The following RASEF variants were observed in gnomAD, a reference collection of about 807,000 sequenced individuals.
RASEF encodes the protein RAS and EF-hand domain containing, also known as ras and EF-hand domain-containing protein.
Under a neutral mutation model 90.1 loss-of-function variants are expected in RASEF, and 68 were observed. The ratio of observed to expected loss-of-function variants is 0.75; its 90% confidence interval spans 0.62 to 0.92. The LOEUF (loss-of-function observed/expected upper bound fraction) is 0.92. Ranked by LOEUF, RASEF falls within the 40% of genes least tolerant of loss-of-function variation. RASEF has a pLI of 0.00. For synonymous variants in RASEF, 331 were observed against 345.2 expected (o/e 0.96, Z 0.46); for missense variants, 949 against 937.2 (o/e 1.01, Z -0.16).
the RASEF span, among the ~76,000 whole-genome samples, chr9:83,077,755 T>C: frequency 1.3e-5 from 2 of 152,172 alleles, no homozygotes; most frequent in Non-Finnish European, 2.9e-5. Context: ...GAATTACTCA[T>C]GGGAGGGAAC....
rs200398605 is a variant in RASEF at position 83,004,564 on chromosome 9, C to A, written c.1136G>T (p.Gly379Val). Residue 379 changes from glycine (G) to valine (V), a missense_variant, in exon 9 of 17, where the codon GGG (glycine) becomes GTG (valine). Physicochemically the swap from Gly to Val is moderately radical, Grantham distance 109. Around this residue, in one of 3 missense-constraint regions of RASEF, gnomAD observed 656 missense variants for 592.2 expected, o/e 1.11. Transcript: ENST00000376447. ...GGGACTGCTTCTAGAAATTGTATTC[C>A]CTGGTGAGATATTATTTATATGCTG... ...RSLHINNISP[G>V]NTISRSSPKF... The A allele has an allele frequency of 6.3e-6, 10 of 1,589,394 alleles. No homozygotes were observed. Among genetic ancestry groups the A allele is most frequent in the Non-Finnish European group, 1.7e-6 (2 of 1,157,746 alleles).
At chr9:83,024,339 T>C (rs1829499621) in intron 2 of RASEF, among the ~76,000 whole-genome samples, 1 of 152,080 alleles carries the variant, frequency 6.6e-6, no homozygotes, top group Non-Finnish European at 1.5e-5. Flanking sequence ...TCTGTTTTTT[T>C]CCTCATAGGT....
In RASEF at chr9:83,001,008, G is replaced by A. The variant is rs897085082; in HGVS notation, c.1325C>T (p.Thr442Ile). 8.1e-6 allele frequency: 13 copies of A among 1,613,960 alleles called. No homozygotes were observed. Among genetic ancestry groups the A allele is most frequent in the Admixed American group, 6.7e-5 (4 of 60,000 alleles). ...PESCFDSGLS[T>I]LRDPNEYDSE... ...GTCATACTCATTGGGATCTCTCAAG[G>A]TAGACAAGCCGCTGTCGAAGCAGCT... Residue 442 changes from threonine (T) to isoleucine (I), a missense_variant, in exon 10 of 17, where the codon ACC (threonine) becomes ATC (isoleucine). By Grantham distance (89) the Thr-to-Ile change is moderately conservative. Coordinates refer to ENST00000376447, the MANE Select transcript of RASEF (RefSeq NM_152573.4).
the RASEF span, among the ~76,000 whole-genome samples, chr9:83,090,318 T>C: frequency 6.6e-6 from 1 of 152,212 alleles, no homozygotes; most frequent in African/African-American, 2.4e-5. Flanking sequence ...TTAAAGTCTT[T>C]ATCCAATGAA....
chr9:83,138,049 A>C, the RASEF span, among the ~76,000 whole-genome samples: 1 of 151,818 alleles, frequency 6.6e-6, no homozygotes, highest in Non-Finnish European at 1.5e-5. Flanking sequence ...TACTAAGAGA[A>C]ATTAAATAAC....
chr9:83,111,918 G>A, the RASEF span, among the ~76,000 whole-genome samples: 2 of 151,846 alleles, frequency 1.3e-5, no homozygotes, highest in Non-Finnish European at 2.9e-5. Flanking sequence ...TGTAATAGCT[G>A]TAATAGAGGC....
At chr9:83,213,850 A>G in the RASEF span, among the ~76,000 whole-genome samples, 9 of 152,356 alleles carry the variant, frequency 5.9e-5, no homozygotes, top group Admixed American at 3.3e-4. Context: ...TCACTCAGGA[A>G]AAAAATATTC....
At chr9:83,162,414 C>A in the RASEF span, among the ~76,000 whole-genome samples, 4 of 152,058 alleles carry the variant, frequency 2.6e-5, no homozygotes, top group Non-Finnish European at 4.4e-5. Context: ...GTAGGCAAGA[C>A]TATAATTTTT....
the RASEF span, among the ~76,000 whole-genome samples, chr9:83,135,853 C>T: frequency 1.3e-5 from 2 of 152,068 alleles, no homozygotes; most frequent in African/African-American, 4.8e-5. Flanking sequence ...GAATTGCTCC[C>T]CTTAACCCTT....
chr9:82,998,460 T>C lies in RASEF; in HGVS notation c.1724-14A>G, dbSNP rs376660735. ...GGAAATCAACTCCTGAAAAGGAATG[T>C]GAGAGTGGAGAGCACGATGTAAATA... is the stretch of plus-strand genomic sequence containing the variant. On this transcript the variant is annotated splice_polypyrimidine_tract_variant and intron_variant, in intron 12 of 16. Coordinates refer to ENST00000376447, the MANE Select transcript of RASEF (RefSeq NM_152573.4). 7.2e-6 allele frequency: 11 copies of C among 1,530,102 alleles called. No individual in the cohort carries two copies. Among genetic ancestry groups the C allele is most frequent in the Admixed American group, 3.3e-5 (2 of 59,822 alleles). 94.8% of individuals were successfully genotyped at this position (1,530,102 alleles called of 1,614,324 possible).
chr9:83,136,042 A>G, the RASEF span, among the ~76,000 whole-genome samples: 1 of 152,066 alleles, frequency 6.6e-6, no homozygotes, highest in Admixed American at 6.6e-5. Flanking sequence ...ATATACATAT[A>G]TATGATATAT....
the RASEF span, among the ~76,000 whole-genome samples, chr9:83,102,488 G>A: frequency 6.6e-6 from 1 of 152,222 alleles, no homozygotes; most frequent in Non-Finnish European, 1.5e-5. Flanking sequence ...CTTGTGTATT[G>A]ATATGGGGGT....
the RASEF span, among the ~76,000 whole-genome samples, chr9:83,144,392 G>GAAGGAAAGAAAGAAAGAAAGAAAA: frequency 2.9e-4 from 1 of 3,448 alleles, no homozygotes; most frequent in Admixed American, 5.0e-3. Flanking sequence ...AGAAAGAAAG[G>GAAGGAAAGAAAGAAAGAAAGAAAA]AAAGAAAGAA....
At chr9:83,024,308 T>C (rs1829498808) in intron 2 of RASEF, among the ~76,000 whole-genome samples, 1 of 152,128 alleles carries the variant, frequency 6.6e-6, no homozygotes, top group Admixed American at 6.5e-5. Context: ...TAGCTGGTAA[T>C]GAGAACATCA....
At chr9:83,197,527 T>TAA in the RASEF span, among the ~76,000 whole-genome samples, 24 of 151,962 alleles carry the variant, frequency 1.6e-4, 1 homozygote, top group Non-Finnish European at 3.1e-4. Context: ...TGATGATTTT[T>TAA]TAAAAAAATT....
At chr9:83,191,831 G>C in the RASEF span, among the ~76,000 whole-genome samples, 4 of 152,184 alleles carry the variant, frequency 2.6e-5, no homozygotes. Context: ...GGGAAAGTTG[G>C]ATGAATGGTA....
chr9:83,063,052 C>A lies in RASEF; in HGVS notation c.-185G>T, dbSNP rs924713658. On this transcript the variant is annotated 5_prime_UTR_variant, in exon 1 of 17. Coordinates refer to ENST00000376447, the MANE Select transcript of RASEF (RefSeq NM_152573.4). The stretch of plus-strand genomic sequence containing the variant: ...TCGGGGGTGGCCGAGCGGCTCCCTT[C>A]GACGACGGTTCGGGCCAGCCCCCAA... 3.2e-6 allele frequency: 2 copies of A among 617,346 alleles called. No individual in the cohort carries two copies. The highest frequency in any genetic ancestry group is 2.7e-5 in the South Asian group (1 of 36,596). 38.2% of individuals were successfully genotyped at this position (617,346 alleles called of 1,614,324 possible).
At chr9:83,116,667 A>G in the RASEF span, among the ~76,000 whole-genome samples, 2 of 152,188 alleles carry the variant, frequency 1.3e-5, no homozygotes, top group African/African-American at 2.4e-5. Context: ...ATCATGGCCC[A>G]CACTTTATAA....
At chr9:83,033,385 G>T (rs962727703) in intron 1 of RASEF, among the ~76,000 whole-genome samples, 3 of 152,176 alleles carry the variant, frequency 2.0e-5, no homozygotes, top group Non-Finnish European at 4.4e-5. Flanking sequence ...AGGTGAACAT[G>T]ACCAGTCCTT....
Sources: gnomAD v4.1 joint callset for allele counts (sites outside exome capture counted in the v4.1 genomes callset) on GRCh38, gnomAD v4.1.1 for gene constraint, gnomAD v4.1.1 regional missense constraint, MANE v1.5 for transcripts, NCBI Gene and HGNC (gene_info 2026-07-23, HGNC 2026-07-21) for gene names.